The following ASIC2 variants were observed in gnomAD, a reference collection of about 807,000 sequenced individuals.
ASIC2 encodes the protein acid-sensing ion channel 2.
ASIC2 carries 25 observed loss-of-function variants against 57.3 expected under a neutral mutation model. That is an observed-to-expected ratio of 0.44 (90% CI 0.32 to 0.61). The LOEUF is 0.61. Ranked by LOEUF, ASIC2 falls within the 20% of genes least tolerant of loss-of-function variation. The pLI is 0.06. For missense variants in ASIC2, 641 were observed against 738.1 expected (o/e 0.87, Z 1.52); for synonymous variants, 319 against 307.5 (o/e 1.04, Z -0.39).
chr17:33,213,770 G>C (rs988772207), intron 1 of ASIC2, among the ~76,000 whole-genome samples: 1 of 152,114 alleles, frequency 6.6e-6, no homozygotes, highest in Non-Finnish European at 1.5e-5. Context: ...CTTAGTTTGT[G>C]TCTCTGGAAA....
chr17:33,733,333 C>A (rs1192792938), intron 1 of ASIC2, among the ~76,000 whole-genome samples: 1 of 152,178 alleles, frequency 6.6e-6, no homozygotes, highest in Non-Finnish European at 1.5e-5. Context: ...TCTGGTGAAG[C>A]CCCCATCAGT....
intron 1 of ASIC2, among the ~76,000 whole-genome samples, chr17:33,756,601 A>G (rs1910610925): frequency 6.6e-6 from 1 of 152,238 alleles, no homozygotes; most frequent in Non-Finnish European, 1.5e-5. Flanking sequence ...ATCTGGACCC[A>G]GGAGATGTTT....
intron 1 of ASIC2, among the ~76,000 whole-genome samples, chr17:33,477,542 T>C (rs989711535): frequency 6.6e-6 from 1 of 152,244 alleles, no homozygotes; most frequent in Non-Finnish European, 1.5e-5. Context: ...TTCTGTAGTC[T>C]GTGCTTTAAA....
intron 1 of ASIC2, among the ~76,000 whole-genome samples, chr17:33,690,876 A>G (rs150289446): frequency 0.042 from 6,269 of 150,958 alleles, 421 homozygotes; most frequent in African/African-American, 0.14. Context: ...CAGCCTCCCA[A>G]GTAGCTGGGA....
chr17:34,156,139 AGG>A lies in ASIC2; in HGVS notation c.392_393del (p.Pro131LeufsTer32), dbSNP rs1567618702. On this transcript the variant is annotated frameshift_variant, in exon 1 of 10. Transcript: ENST00000359872. LOFTEE classifies it high-confidence loss of function. The surrounding 1 kb of genome is among the most constrained non-coding windows in gnomAD (Gnocchi z 4.4). Reference sequence around the variant, plus strand: ...TTCTGCCGCAGGGCCTCCAGCACGGAGGGGTCAGCCAGATGGGGGTCCGGGAT... The same window carrying A: ...TTCTGCCGCAGGGCCTCCAGCACGGAGGTCAGCCAGATGGGGGTCCGGGAT... 1 of 1,613,922 alleles carries A rather than the reference AGG, an allele frequency of 6.2e-7. No individual in the cohort carries two copies. The highest frequency in any genetic ancestry group is 1.1e-5 in the South Asian group (1 of 91,080).
chr17:34,138,847 T>C lies in ASIC2; in HGVS notation c.555+17131A>G, dbSNP rs778712471. 4.6e-5 allele frequency among the ~76,000 whole-genome samples: 7 copies of C among 152,264 alleles called. No individual in the cohort carries two copies. In the East Asian group the frequency reaches 1.3e-3, roughly 29 times the overall value. ...CCCTTGTCCATCTGAGAATTAATCA[T>C]CCCTCAAAGTCCACCTAGGCAATGA... On this transcript the variant is annotated intron_variant, in intron 1 of 9. Coordinates refer to the ASIC2 transcript ENST00000359872.
chr17:33,272,594 C>T (rs1904540550), intron 1 of ASIC2, among the ~76,000 whole-genome samples: 1 of 152,138 alleles, frequency 6.6e-6, no homozygotes, highest in Non-Finnish European at 1.5e-5. Context: ...TTGTCATCAT[C>T]ATCATCATCA....
intron 1 of ASIC2, chr17:34,039,599 C>A: frequency 6.2e-7 from 1 of 1,613,844 alleles, no homozygotes. Context: ...CCGCTTCCCC[C>A]AGCAAACTCA....
intron 1 of ASIC2, among the ~76,000 whole-genome samples, chr17:33,810,741 T>C (rs1428937326): frequency 2.6e-5 from 4 of 152,044 alleles, no homozygotes; most frequent in Admixed American, 2.6e-4. Flanking sequence ...TTGTTATTTA[T>C]AGAAAAAAGG....
chr17:33,368,648 T>C (rs1398610639), intron 1 of ASIC2, among the ~76,000 whole-genome samples: 1 of 152,238 alleles, frequency 6.6e-6, no homozygotes. Flanking sequence ...CTACTTTCCA[T>C]GTTACCACTG....
intron 1 of ASIC2, among the ~76,000 whole-genome samples, chr17:33,569,756 A>C (rs1916369426): frequency 1.3e-5 from 2 of 152,084 alleles, no homozygotes; most frequent in African/African-American, 2.4e-5. Context: ...ATCCATCCAT[A>C]CATGTATCCA....
chr17:33,088,170 A>G (rs927916591), intron 3 of ASIC2, among the ~76,000 whole-genome samples: 5 of 152,220 alleles, frequency 3.3e-5, no homozygotes, highest in African/African-American at 1.2e-4. Context: ...TAGGAAAACC[A>G]GGCAACAAGT....
chr17:33,268,347 ATC>A (rs1447480059), intron 1 of ASIC2, among the ~76,000 whole-genome samples: 6 of 82,512 alleles, frequency 7.3e-5, no homozygotes, highest in Non-Finnish European at 1.5e-4. Context: ...TCCATCATCC[ATC>A]CATCCATCCA....
intron 1 of ASIC2, among the ~76,000 whole-genome samples, chr17:33,226,166 C>A (rs1349993465): frequency 6.6e-6 from 1 of 152,162 alleles, no homozygotes; most frequent in Non-Finnish European, 1.5e-5. Context: ...TGCCTAGTAA[C>A]AAACCCAATT....
intron 1 of ASIC2, among the ~76,000 whole-genome samples, chr17:33,216,001 A>C (rs768881623): frequency 8.5e-5 from 13 of 152,250 alleles, no homozygotes; most frequent in Non-Finnish European, 1.8e-4. Flanking sequence ...GCCCGGCCAC[A>C]TGTGGCTTTT....
intron 1 of ASIC2, among the ~76,000 whole-genome samples, chr17:33,553,705 G>A (rs1915820772): frequency 6.6e-6 from 1 of 152,014 alleles, no homozygotes; most frequent in South Asian, 2.1e-4. Flanking sequence ...GGTACTATGT[G>A]CTTTCCATCT....
chr17:33,823,425 A>T (rs1011461192), intron 1 of ASIC2, among the ~76,000 whole-genome samples: 1 of 119,022 alleles, frequency 8.4e-6, no homozygotes, highest in African/African-American at 3.2e-5. Flanking sequence ...GTCGAGAGTC[A>T]GAAAACTGCC....
chr17:33,247,078 A>G (rs1054221877), intron 1 of ASIC2, among the ~76,000 whole-genome samples: 3 of 152,252 alleles, frequency 2.0e-5, no homozygotes, highest in African/African-American at 7.2e-5. Flanking sequence ...ACTTCTTGCC[A>G]TAGCACCTTC....
chr17:33,176,815 C>T (rs1220492183), intron 1 of ASIC2, among the ~76,000 whole-genome samples: 2 of 152,170 alleles, frequency 1.3e-5, no homozygotes, highest in Non-Finnish European at 2.9e-5. Context: ...TCCCCAGAAC[C>T]CTGGGTCTGG....
Sources: gnomAD v4.1 joint callset for allele counts (sites outside exome capture counted in the v4.1 genomes callset) on GRCh38, gnomAD v4.1.1 for gene constraint, Gnocchi (gnomAD v3.1) non-coding constraint, MANE v1.5 for transcripts, NCBI Gene and HGNC (gene_info 2026-07-23, HGNC 2026-07-21) for gene names.